Variants in ASCC2 observed in about 807,000 individuals in gnomAD.
ASCC2 encodes ASC-1 complex subunit P100.
A neutral mutation model predicts 93.5 loss-of-function variants in ASCC2; 42 were observed. The observed-to-expected ratio is 0.45, with a 90% CI of 0.35 to 0.58. ASCC2 has a LOEUF of 0.58. Among genes scored for constraint, ASCC2 ranks in the 20% least tolerant of loss-of-function variants. The probability of loss-of-function intolerance (pLI) is 0.00; values close to 1 mark genes in which losing one functional copy is unlikely to be tolerated. For synonymous variants in ASCC2, 364 were observed against 384.2 expected (o/e 0.95, Z 0.62); for missense variants, 859 against 977.6 (o/e 0.88, Z 1.62).
At chr22:29,833,454 G>A in intron 1 of ASCC2, 1 of 377,708 alleles carries the variant, frequency 2.6e-6, no homozygotes, top group Non-Finnish European at 5.2e-6. Context: ...AGGGAAGAAG[G>A]ACGTGGAAAA....
chr22:29,791,334 A>T (rs1183248345), intron 18 of ASCC2, among the ~76,000 whole-genome samples: 1 of 152,090 alleles, frequency 6.6e-6, no homozygotes, highest in Admixed American at 6.6e-5. Context: ...CCATGACTGC[A>T]CCACTGCACC....
intron 18 of ASCC2, 67 bp from the exon 19 acceptor site, chr22:29,790,615 G>T: frequency 1.3e-6 from 2 of 1,515,948 alleles, no homozygotes; most frequent in Non-Finnish European, 9.1e-7. Context: ...CGGCGATGAG[G>T]CCCTGCTCAA....
intron 15 of ASCC2, among the ~76,000 whole-genome samples, chr22:29,794,954 C>CTT (rs57206077): frequency 2.8e-3 from 399 of 141,960 alleles, no homozygotes; most frequent in African/African-American, 9.4e-3. Flanking sequence ...TTGTCTAAAT[C>CTT]TTTTTTTTTT....
chr22:29,792,673 G>A, intron 17 of ASCC2, 138 bp from the exon 18 acceptor site: 1 of 1,204,840 alleles, frequency 8.3e-7, no homozygotes, highest in South Asian at 1.4e-5. Flanking sequence ...AGCCTTTCAA[G>A]CCAGATTTGC....
intron 15 of ASCC2, among the ~76,000 whole-genome samples, chr22:29,800,609 A>G (rs1159349490): frequency 6.6e-6 from 1 of 152,252 alleles, no homozygotes; most frequent in Non-Finnish European, 1.5e-5. Context: ...AAGCTCATTC[A>G]AAGTCCTTAA....
intron 13 of ASCC2, 77 bp downstream of exon 13, chr22:29,804,561 T>A: frequency 6.5e-7 from 1 of 1,531,764 alleles, no homozygotes; most frequent in Non-Finnish European, 8.8e-7. Context: ...AGAAGGGAGG[T>A]TTCCTGCTGC....
intron 18 of ASCC2, among the ~76,000 whole-genome samples, chr22:29,791,264 C>A (rs1395309129): frequency 2.0e-5 from 3 of 152,052 alleles, no homozygotes; most frequent in African/African-American, 7.2e-5. Flanking sequence ...ATAATCCCAG[C>A]TACTAGGGAA....
chr22:29,818,012 T>C (rs1340682608), intron 5 of ASCC2, among the ~76,000 whole-genome samples: 1 of 150,594 alleles, frequency 6.6e-6, no homozygotes, highest in East Asian at 2.0e-4. Flanking sequence ...TACTTGTTGA[T>C]GCACAATACC....
In ASCC2 at chr22:29,793,348, C is replaced by T. The variant is rs748512634; in HGVS notation, c.1919+12G>A. 5 of 1,612,856 alleles carry T rather than the reference C, an allele frequency of 3.1e-6. No individual in the cohort carries two copies. Among genetic ancestry groups the T allele is most frequent in the Non-Finnish European group, 1.7e-6 (2 of 1,180,032 alleles). On this transcript the variant is annotated intron_variant, in intron 17 of 19. Transcript: ENST00000307790. ...GCTCTGCCCTGGAACGCCACCCCCA[C>T]TATGGCCTCACCTGCGGCTGATGAG...
chr22:29,819,905 G>T (rs185598900), intron 5 of ASCC2, among the ~76,000 whole-genome samples: 1 of 152,244 alleles, frequency 6.6e-6, no homozygotes, highest in East Asian at 1.9e-4. Flanking sequence ...TGTCACCCAG[G>T]CTGGAGTGTA....
In ASCC2 at chr22:29,806,528, C is replaced by T. The variant is rs759029314; in HGVS notation, c.1042G>A (p.Glu348Lys). The T allele has an allele frequency of 6.2e-6, 10 of 1,613,746 alleles. No homozygotes were observed. The African/African-American group carries it at 8.0e-5, about 13-fold the overall frequency. Residue 348 changes from glutamate (E) to lysine (K), a missense_variant, in exon 11 of 20, where the codon GAA (glutamate) becomes AAA (lysine). Coordinates refer to ENST00000307790, the MANE Select transcript of ASCC2 (RefSeq NM_032204.5). Reference sequence around the variant, plus strand: ...GAGCTGAAGATCTGAAGGAACTCTTCGATGAAGCCCTGAATGTTGTCACAG... The same window carrying T: ...GAGCTGAAGATCTGAAGGAACTCTTTGATGAAGCCCTGAATGTTGTCACAG... ...SSCDNIQGFI[E>K]EFLQIFSSLL...
At chr22:29,807,235 CAAAAAAAAAAAAAA>C (rs553545816) in intron 9 of ASCC2, among the ~76,000 whole-genome samples, 11 of 46,480 alleles carry the variant, frequency 2.4e-4, no homozygotes, top group Non-Finnish European at 3.6e-4. Context: ...GACCCTGTCT[CAAAAAAAAAAAAAA>C]AAAAAAAAAA....
In ASCC2 at chr22:29,825,753, A is replaced by C. The variant is rs1011572597; in HGVS notation, c.109T>G (p.Phe37Val). 5.0e-6 allele frequency: 8 copies of C among 1,612,100 alleles called. No homozygotes were observed. The highest frequency in any genetic ancestry group is 3.3e-5 in the Admixed American group (2 of 59,946). The change falls in exon 3 of 20, where the codon TTT (phenylalanine) becomes GTT (valine). Residue 37 changes from phenylalanine (F) to valine (V), a missense_variant. Transcript: ENST00000307790. The surrounding 1 kb of genome is among the most constrained non-coding windows in gnomAD (Gnocchi z 4.9). ...LHPEQKADRYFVLYKPPPKDN... is the reference protein window; with the variant it reads ...LHPEQKADRYVVLYKPPPKDN... ...TTAGGGGGCGGTTTGTATAACACAA[A>C]ATACCGGTCTGCCTTCTGCTCGGGG...
At chr22:29,834,623 CAT>C (rs2063550077) in intron 1 of ASCC2, 4 of 467,458 alleles carry the variant, frequency 8.6e-6, no homozygotes, top group African/African-American at 2.0e-5. Flanking sequence ...CTTTGCAAAG[CAT>C]AGATAATATC....
Position 29,793,660 on chromosome 22 carries a change from T to C in ASCC2, c.1705A>G (p.Asn569Asp). The C allele has an allele frequency of 6.4e-7, 1 of 1,572,972 alleles. No homozygotes were observed. The highest frequency in any genetic ancestry group is 8.6e-7 in the Non-Finnish European group (1 of 1,160,416). ...TTGTCGTTCAGCAAACTCCGCGTGT[T>C]TTCCTCCTTCCTGGTGCTGAGAAGG... ...HKGKSTRKEE[N>D]TRSLLNDKRA... Residue 569 changes from asparagine to aspartate, a missense_variant, in exon 16 of 20, where the codon AAC (asparagine) becomes GAC (aspartate). Asn to Asp is a conservative substitution (Grantham distance 23). Coordinates refer to ENST00000307790, the MANE Select transcript of ASCC2 (RefSeq NM_032204.5).
At chr22:29,803,362 G>T (rs892225114) in intron 13 of ASCC2, among the ~76,000 whole-genome samples, 5 of 152,120 alleles carry the variant, frequency 3.3e-5, no homozygotes, top group African/African-American at 1.2e-4. Flanking sequence ...GCTACTGGCT[G>T]TGTGACTTTG....
At chr22:29,791,687 CA>C (rs1428164543) in intron 18 of ASCC2, among the ~76,000 whole-genome samples, 1 of 151,936 alleles carries the variant, frequency 6.6e-6, no homozygotes, top group Non-Finnish European at 1.5e-5. Flanking sequence ...ATCTCCAAAA[CA>C]ACAACAACAA....
In ASCC2 at chr22:29,795,255, G is replaced by T. The variant is rs556453639; in HGVS notation, c.1689-1579C>A. 1.1e-4 allele frequency among the ~76,000 whole-genome samples: 17 copies of T among 152,002 alleles called. No homozygotes were observed. The East Asian group carries it at 2.7e-3, about 24-fold the overall frequency. ...TTTTTAAATTTTTTGTAGAGACAGGGTCTCACTATATTGCCCAGGCTGGTC... is the reference window on the plus strand; with the variant it reads ...TTTTTAAATTTTTTGTAGAGACAGGTTCTCACTATATTGCCCAGGCTGGTC... On this transcript the variant is annotated intron_variant, in intron 15 of 19. Coordinates refer to ENST00000307790, the MANE Select transcript of ASCC2 (RefSeq NM_032204.5).
chr22:29,833,516 C>T, intron 1 of ASCC2: 1 of 459,736 alleles, frequency 2.2e-6, no homozygotes, highest in South Asian at 1.6e-5. Context: ...AGTGCAAGCT[C>T]CTTTCTACAA....
Sources: gnomAD v4.1 joint callset for allele counts (sites outside exome capture counted in the v4.1 genomes callset) on GRCh38, gnomAD v4.1.1 for gene constraint, Gnocchi (gnomAD v3.1) non-coding constraint, MANE v1.5 for transcripts, NCBI Gene and HGNC (gene_info 2026-07-23, HGNC 2026-07-21) for gene names.